IQSEC3: variants seen among roughly 807,000 people sequenced by gnomAD.
The protein encoded by IQSEC3 is IQ motif and SEC7 domain-containing protein 3.
In IQSEC3, 50 loss-of-function variants were observed where a neutral mutation model predicts 105.4. That is an observed-to-expected ratio of 0.47 (90% confidence interval 0.38 to 0.60). The LOEUF (loss-of-function observed/expected upper bound fraction) is 0.60. IQSEC3 is among the 20% of genes least tolerant of loss of function. The pLI, the probability that IQSEC3 is intolerant of heterozygous loss-of-function variation, is 0.00. For missense variants in IQSEC3, 1,415 were observed against 1,630.0 expected (o/e 0.87, Z 2.27); for synonymous variants, 708 against 746.0 (o/e 0.95, Z 0.83).
chr12:134,273 T>C (rs1865687253), intron 3 of IQSEC3, among the ~76,000 whole-genome samples: 1 of 152,256 alleles, frequency 6.6e-6, no homozygotes, highest in African/African-American at 2.4e-5. Context: ...CCACGGCAGG[T>C]GAAATCTGCC....
chr12:157,410 C>T (rs1866728553), intron 6 of IQSEC3, 118 bp from the exon 7 acceptor site: 1 of 1,245,294 alleles, frequency 8.0e-7, no homozygotes. Context: ...ACACTGGTCT[C>T]CCTGGACCTA....
In IQSEC3 at chr12:157,641, A is replaced by G. The variant is rs1686836014; in HGVS notation, c.2390A>G (p.Asn797Ser). ...ILLNTDMYSP[N>S]IKPDRKMMLE... ...CTCAACACCGACATGTACAGCCCCA[A>G]CATCAAGCCTGACCGGAAGATGATG... Residue 797 changes from asparagine to serine, a missense_variant, in exon 7 of 14, where the codon AAC (asparagine) becomes AGC (serine). Physicochemically the swap from Asn to Ser is conservative, Grantham distance 46. Transcript: ENST00000538872. 1 of 1,614,012 alleles carries G rather than the reference A, an allele frequency of 6.2e-7. No homozygotes were observed. The highest frequency in any genetic ancestry group is 1.1e-5 in the South Asian group (1 of 91,058).
At chr12:116,260 G>A (rs1323719906) in intron 2 of IQSEC3, among the ~76,000 whole-genome samples, 3 of 152,086 alleles carry the variant, frequency 2.0e-5, no homozygotes, top group East Asian at 1.9e-4. Flanking sequence ...CCTAGTGGTC[G>A]GGCTCCAAGT....
At chr12:130,177 T>C (rs1308131440) in intron 3 of IQSEC3, among the ~76,000 whole-genome samples, 2 of 152,188 alleles carry the variant, frequency 1.3e-5, no homozygotes, top group Non-Finnish European at 2.9e-5. Flanking sequence ...ATGCAAAAGA[T>C]ACAGGCCTAG....
At chr12:83,100 G>C (rs78310373) in intron 1 of IQSEC3, among the ~76,000 whole-genome samples, 13,051 of 152,250 alleles carry the variant, frequency 0.086, 1,264 homozygotes, top group African/African-American at 0.24. Context: ...AATTAGGCTG[G>C]CTGAGGCTAG....
intron 11 of IQSEC3, chr12:166,104 C>G (rs2291921): frequency 0.31 from 178,990 of 579,194 alleles, 28,278 homozygotes; most frequent in East Asian, 0.35. Flanking sequence ...AGAGTGCACA[C>G]ACGTGTGTAC....
intron 5 of IQSEC3, among the ~76,000 whole-genome samples, chr12:153,566 A>AT (rs1368999901): frequency 2.0e-5 from 3 of 151,982 alleles, no homozygotes. Flanking sequence ...AGAAAATGTC[A>AT]TTTTTTCCCC....
At chr12:80,886 G>A (rs75148864) in intron 1 of IQSEC3, among the ~76,000 whole-genome samples, 9,973 of 152,180 alleles carry the variant, frequency 0.066, 973 homozygotes, top group African/African-American at 0.21. Context: ...TTCCTGGCAG[G>A]ACAAACAGCT....
At chr12:82,876 A>G (rs1357184911) in intron 1 of IQSEC3, among the ~76,000 whole-genome samples, 1 of 152,030 alleles carries the variant, frequency 6.6e-6, no homozygotes, top group African/African-American at 2.4e-5. Context: ...CCAAATCTCC[A>G]GGAGAAGTTT....
Position 138,729 on chromosome 12 carries a change from C to A in IQSEC3, c.1366C>A (p.Pro456Thr). 6.7e-7 allele frequency: 1 copy of A among 1,500,962 alleles called. No individual in the cohort carries two copies. The highest frequency in any genetic ancestry group is 8.8e-7 in the Non-Finnish European group (1 of 1,131,028). The allele number at this position is 1,500,962 out of a possible 1,614,324, so 93.0% of individuals were successfully genotyped here. The part of the protein sequence containing the change: ...PPGLEAEGRA[P>T]ESAGPGPGDD... ...AGGCCTGGAGGCCGAGGGGCGGGCG[C>A]CGGAGAGCGCGGGCCCCGGGCCCGG... The change falls in exon 4 of 14, where the codon CCG becomes ACG. Residue 456 changes from proline to threonine, a missense_variant. Pro to Thr is a conservative substitution (Grantham distance 38). This residue lies in a region of IQSEC3 where 720 missense variants were observed against 633.0 expected (regional missense o/e 1.14). Coordinates refer to ENST00000538872, the MANE Select transcript of IQSEC3 (RefSeq NM_001170738.2). This position sits in a 1 kb window ranked among gnomAD's most constrained non-coding sequence, Gnocchi z 7.1.
chr12:110,376 A>G (rs755908240), intron 2 of IQSEC3, among the ~76,000 whole-genome samples: 12 of 150,940 alleles, frequency 8.0e-5, no homozygotes, highest in Non-Finnish European at 1.5e-4. Flanking sequence ...TTCTTATTTG[A>G]TCCCTGAGCC....
chr12:168,922 C>G lies in IQSEC3; in HGVS notation c.2972-91C>G. On this transcript the variant is annotated intron_variant, in intron 11 of 13. Coordinates refer to ENST00000538872, the MANE Select transcript of IQSEC3 (RefSeq NM_001170738.2). ...TGTACTGGGACCTCTCCTCCTCTTC[C>G]TCCCCTTTCTGCTGGCCCCTCATTT... 3 of 1,070,498 alleles carry G rather than the reference C, an allele frequency of 2.8e-6. No homozygotes were observed. In the Admixed American group the frequency reaches 5.2e-5, roughly 19 times the overall value. 66.3% of individuals were successfully genotyped at this position (1,070,498 alleles called of 1,614,324 possible). A position where few individuals can be genotyped will look rare whatever the true frequency, so the allele number is the denominator to read the frequency against.
chr12:133,881 G>A (rs1289566352), intron 3 of IQSEC3, among the ~76,000 whole-genome samples: 3 of 152,006 alleles, frequency 2.0e-5, no homozygotes, highest in Non-Finnish European at 2.9e-5. Flanking sequence ...GAACAGGCTA[G>A]GGCAGGGTTG....
chr12:139,013 C>G lies in IQSEC3; in HGVS notation c.1650C>G (p.Ala550=), dbSNP rs1865901255. ...APAVGREDAS[A]EDSCAEAAAS... is the part of the protein sequence containing the mutation. ...CCGTGGGCCGGGAGGACGCGTCAGC[C>G]GAGGACTCATGCGCAGAGGCTGCGG... Residue 550 remains alanine (A), a synonymous_variant, in exon 4 of 14, where the codon GCC becomes GCG. Transcript: ENST00000538872. The G allele has an allele frequency of 2.0e-6, 3 of 1,517,602 alleles. No homozygotes were observed. The highest frequency in any genetic ancestry group is 1.3e-5 in the South Asian group (1 of 79,952). The allele number at this position is 1,517,602 out of a possible 1,614,324, so 94.0% of individuals were successfully genotyped here.
chr12:133,626 G>A (rs1555085616), intron 3 of IQSEC3, among the ~76,000 whole-genome samples: 4 of 152,184 alleles, frequency 2.6e-5, no homozygotes, highest in African/African-American at 9.7e-5. Context: ...CCTGGAGTGA[G>A]GCACAGGTTA....
At chr12:109,546 T>C (rs1437463021) in intron 2 of IQSEC3, among the ~76,000 whole-genome samples, 2 of 152,066 alleles carry the variant, frequency 1.3e-5, no homozygotes, top group Non-Finnish European at 2.9e-5. Context: ...AGCCATCTAG[T>C]CTTTGCCGTA....
chr12:120,335 C>T (rs57212972), intron 2 of IQSEC3, among the ~76,000 whole-genome samples: 2,644 of 152,018 alleles, frequency 0.017, 82 homozygotes, highest in African/African-American at 0.059. Context: ...TGAGAGGGTT[C>T]GGCAGATCTG....
intron 2 of IQSEC3, among the ~76,000 whole-genome samples, chr12:121,847 G>C (rs1387176405): frequency 6.6e-6 from 1 of 152,160 alleles, no homozygotes; most frequent in African/African-American, 2.4e-5. Context: ...CGCTGTCCTA[G>C]GTGCTGTGTG....
Position 138,475 on chromosome 12 carries a change from T to G in IQSEC3, c.1112T>G (p.Met371Arg). The change falls in exon 4 of 14, where the codon ATG (methionine) becomes AGG (arginine). Residue 371 changes from methionine (M) to arginine (R), a missense_variant. Coordinates refer to ENST00000538872, the MANE Select transcript of IQSEC3 (RefSeq NM_001170738.2). This position sits in a 1 kb window ranked among gnomAD's most constrained non-coding sequence, Gnocchi z 7.1. Reference sequence around the variant, plus strand: ...AGCCTGGCGGCCGAGAAAGCGCTCATGGAGGGCTACGGCCTCGTGGGGCTG... The same window carrying G: ...AGCCTGGCGGCCGAGAAAGCGCTCAGGGAGGGCTACGGCCTCGTGGGGCTG... ...AESLAAEKALMEGYGLVGLPL... is the reference protein window; with the variant it reads ...AESLAAEKALREGYGLVGLPL... The G allele has an allele frequency of 6.3e-7, 1 of 1,598,892 alleles. No homozygotes were observed. The highest frequency in any genetic ancestry group is 8.5e-7 in the Non-Finnish European group (1 of 1,177,762).
Sources: allele counts gnomAD v4.1 joint callset (sites outside exome capture counted in the v4.1 genomes callset), GRCh38; gene constraint gnomAD v4.1.1; regional missense constraint gnomAD v4.1.1; non-coding constraint Gnocchi (gnomAD v3.1); transcripts MANE v1.5; gene names NCBI Gene and HGNC (gene_info 2026-07-23, HGNC 2026-07-21).